Variants in HERC3 observed in about 807,000 individuals in gnomAD.
The protein encoded by HERC3 is probable E3 ubiquitin-protein ligase HERC3.
In HERC3, 58 loss-of-function variants were observed where a neutral mutation model predicts 129.9. The observed-to-expected ratio is 0.45, with a 90% confidence interval of 0.36 to 0.56. The LOEUF is 0.56. Among genes scored for constraint, HERC3 ranks in the 20% least tolerant of loss-of-function variants. The probability of loss-of-function intolerance (pLI) is 0.00; values close to 1 mark genes in which losing one functional copy is unlikely to be tolerated. For missense variants in HERC3, 835 were observed against 1,244.2 expected (o/e 0.67, Z 4.95); for synonymous variants, 430 against 451.0 (o/e 0.95, Z 0.59).
chr4:88,610,138 C>T (rs1411838923), intron 3 of HERC3, among the ~76,000 whole-genome samples: 6 of 152,024 alleles, frequency 3.9e-5, no homozygotes, highest in Non-Finnish European at 7.4e-5. Context: ...TTGTTGACTT[C>T]CTGTCTCATC....
At chr4:88,666,201 G>A (rs1040798957) in intron 12 of HERC3, among the ~76,000 whole-genome samples, 7 of 152,118 alleles carry the variant, frequency 4.6e-5, no homozygotes, top group Non-Finnish European at 7.3e-5. Flanking sequence ...TAGAGTTGTG[G>A]GGAAAGCCTT....
intron 23 of HERC3, chr4:88,697,861 C>A: frequency 6.8e-7 from 1 of 1,460,040 alleles, no homozygotes; most frequent in Admixed American, 2.5e-5. Flanking sequence ...GACGTGCGGC[C>A]GCGGGAATGA....
At chr4:88,606,372 C>T (rs1723635964) in intron 3 of HERC3, among the ~76,000 whole-genome samples, 1 of 151,992 alleles carries the variant, frequency 6.6e-6, no homozygotes, top group Non-Finnish European at 1.5e-5. Context: ...ATGCCTCAGC[C>T]ACCTGACTAG....
At chr4:88,566,106 C>T in the HERC3 span, among the ~76,000 whole-genome samples, 1 of 151,982 alleles carries the variant, frequency 6.6e-6, no homozygotes, top group Non-Finnish European at 1.5e-5. Flanking sequence ...TTTTATTTTT[C>T]CTGATCCTCT....
chr4:88,625,275 A>G (rs114403767), intron 3 of HERC3, among the ~76,000 whole-genome samples: 3,983 of 152,262 alleles, frequency 0.026, 77 homozygotes, highest in Non-Finnish European at 0.038. Flanking sequence ...TCTGTGGATC[A>G]ATTTGGGGAG....
At chr4:88,614,531 G>A (rs1239550088) in intron 3 of HERC3, among the ~76,000 whole-genome samples, 1 of 151,900 alleles carries the variant, frequency 6.6e-6, no homozygotes, top group Non-Finnish European at 1.5e-5. Flanking sequence ...TATGATCAAG[G>A]TACTTTGGTA....
chr4:88,580,121 G>A, the HERC3 span, among the ~76,000 whole-genome samples: 2 of 151,726 alleles, frequency 1.3e-5, no homozygotes, highest in Non-Finnish European at 2.9e-5. Flanking sequence ...AGGGATGGAT[G>A]TGAAAGACAT....
At chr4:88,661,823 T>C (rs1279076408) in intron 10 of HERC3, among the ~76,000 whole-genome samples, 1 of 152,196 alleles carries the variant, frequency 6.6e-6, no homozygotes, top group Non-Finnish European at 1.5e-5. Flanking sequence ...ATTTGTCATA[T>C]AGATTATAAC....
chr4:88,578,692 C>T, the HERC3 span, among the ~76,000 whole-genome samples: 1 of 151,986 alleles, frequency 6.6e-6, no homozygotes, highest in South Asian at 2.1e-4. Flanking sequence ...GAGGAGGTAA[C>T]ACTACATGCT....
chr4:88,571,863 G>A, the HERC3 span, among the ~76,000 whole-genome samples: 3 of 152,164 alleles, frequency 2.0e-5, no homozygotes. Flanking sequence ...GCAAGTCTGT[G>A]AGTTGGTGTT....
the HERC3 span, among the ~76,000 whole-genome samples, chr4:88,548,450 G>C: frequency 6.6e-6 from 1 of 152,118 alleles, no homozygotes; most frequent in Non-Finnish European, 1.5e-5. Flanking sequence ...GAGAGCCAAT[G>C]ATGTTGAGCA....
intron 3 of HERC3, among the ~76,000 whole-genome samples, chr4:88,620,163 T>C (rs1037123757): frequency 1.3e-5 from 2 of 152,234 alleles, no homozygotes; most frequent in African/African-American, 4.8e-5. Flanking sequence ...AGAAATAGCT[T>C]ACTCATCCTC....
chr4:88,577,605 G>GTATATA, the HERC3 span, among the ~76,000 whole-genome samples: 1 of 131,836 alleles, frequency 7.6e-6, no homozygotes, highest in African/African-American at 4.1e-5. Context: ...GTATGTGTGT[G>GTATATA]TATATATATA....
intron 3 of HERC3, among the ~76,000 whole-genome samples, chr4:88,647,646 T>C (rs555692695): frequency 1.3e-5 from 2 of 152,220 alleles, no homozygotes; most frequent in African/African-American, 2.4e-5. Flanking sequence ...AATCTTTCTG[T>C]TTATTATGGT....
chr4:88,678,210 C>A, intron 19 of HERC3, 76 bp downstream of exon 19: 1 of 1,343,978 alleles, frequency 7.4e-7, no homozygotes, highest in Non-Finnish European at 1.0e-6. Context: ...CAGCAGTGAT[C>A]TTATTAAAAT....
chr4:88,585,069 T>A, the HERC3 span, among the ~76,000 whole-genome samples: 1 of 152,206 alleles, frequency 6.6e-6, no homozygotes, highest in Non-Finnish European at 1.5e-5. Flanking sequence ...GGTAAGGACC[T>A]TTTGCTGGTT....
At chr4:88,590,804 AC>A (rs1432821355), upstream of HERC3, among the ~76,000 whole-genome samples, 4 of 152,000 alleles carry the variant, frequency 2.6e-5, no homozygotes, top group Admixed American at 2.6e-4. Context: ...AATAGACTAA[AC>A]TTTTGTGAAA....
rs770238624 is a variant in HERC3 at position 88,681,151 on chromosome 4, C to T, written c.2341-8C>T. 6.2e-7 allele frequency: 1 copy of T among 1,600,956 alleles called. No homozygotes were observed. The highest frequency in any genetic ancestry group is 1.1e-5 in the South Asian group (1 of 88,350). ...TCTTTTTAACACATTTGTATGTGTC[C>T]TAAAAAGTGTTTTGTAGAGCACAAC... On this transcript the variant is annotated splice_region_variant and splice_polypyrimidine_tract_variant and intron_variant, in intron 20 of 25. Transcript: ENST00000402738.
chr4:88,590,688 C>T (rs936521352), upstream of HERC3, among the ~76,000 whole-genome samples: 3 of 152,360 alleles, frequency 2.0e-5, no homozygotes, highest in East Asian at 5.8e-4. Flanking sequence ...CTCTCACTTT[C>T]TCCTTTGCAA....
Sources: allele counts gnomAD v4.1 joint callset (sites outside exome capture counted in the v4.1 genomes callset), GRCh38; gene constraint gnomAD v4.1.1; transcripts MANE v1.5; gene names NCBI Gene and HGNC (gene_info 2026-07-23, HGNC 2026-07-21).